Variants in SLC34A1 observed in about 807,000 individuals in gnomAD.
SLC34A1 encodes the protein sodium-dependent phosphate transport protein 2A.
In SLC34A1, 57 loss-of-function variants were observed where a neutral mutation model predicts 51.4. The observed-to-expected ratio is 1.11, with a 90% CI of 0.90 to 1.38. The LOEUF is 1.38. Ranked by LOEUF, SLC34A1 falls within the 40% of genes most tolerant of loss-of-function variation. SLC34A1 has a pLI of 0.00. For missense variants in SLC34A1, 796 were observed against 835.6 expected (o/e 0.95, Z 0.58); for synonymous variants, 368 against 358.0 (o/e 1.03, Z -0.32).
intron 8 of SLC34A1, 88 bp from the exon 9 acceptor site, chr5:177,393,606 T>G: frequency 7.8e-7 from 1 of 1,285,962 alleles, no homozygotes; most frequent in Non-Finnish European, 1.1e-6. Context: ...CCCATCTCCA[T>G]CTTCCCCATC....
chr5:177,395,465 A>G (rs1400713271), intron 10 of SLC34A1, among the ~76,000 whole-genome samples: 7 of 152,160 alleles, frequency 4.6e-5, no homozygotes, highest in Admixed American at 1.3e-4. Flanking sequence ...GGTGGCCAGT[A>G]GCTGGCAGGA....
At chr5:177,394,775 C>T (rs1762908984) in intron 10 of SLC34A1, among the ~76,000 whole-genome samples, 1 of 149,744 alleles carries the variant, frequency 6.7e-6, no homozygotes, top group Non-Finnish European at 1.5e-5. Context: ...CTCACTGCAA[C>T]CTCCACCTCC....
chr5:177,385,495 G>A (rs1304450052), intron 1 of SLC34A1, among the ~76,000 whole-genome samples, 200 bp from the exon 2 acceptor site: 4 of 151,972 alleles, frequency 2.6e-5, no homozygotes, highest in East Asian at 2.0e-4. Flanking sequence ...TGTGAGTCTC[G>A]GAGGGCTGTG....
Position 177,386,564 on chromosome 5 carries a change from G to A in SLC34A1, c.530G>A (p.Gly177Asp). ...ATCATCGTCAGCATGGTCTCCTCTG[G>A]CTGTGAGTTGGCCCACCAGGGTGGG... The part of the protein sequence containing the change: ...TSIIVSMVSS[G>D]LLEVSSAIPI... Residue 177 changes from glycine to aspartate, a missense_variant and splice_region_variant, in exon 5 of 13, where the codon GGC (glycine) becomes GAC (aspartate). Gly to Asp is a moderately conservative substitution (Grantham distance 94). Transcript: ENST00000324417. The surrounding 1 kb of genome is among the most constrained non-coding windows in gnomAD (Gnocchi z 4.8). 1 of 1,613,974 alleles carries A rather than the reference G, an allele frequency of 6.2e-7. No homozygotes were observed. The highest frequency in any genetic ancestry group is 8.5e-7 in the Non-Finnish European group (1 of 1,180,006).
rs1263582632 is a variant in SLC34A1 at position 177,398,544 on chromosome 5, A to G, written c.*258A>G. On this transcript the variant is annotated 3_prime_UTR_variant, in exon 13 of 13. Coordinates refer to ENST00000324417, the MANE Select transcript of SLC34A1 (RefSeq NM_003052.5). This position sits in a 1 kb window ranked among gnomAD's most constrained non-coding sequence, Gnocchi z 4.7. ...TGCCAGCCCATGCAGGTGTACACAGACACACCTGTGGGAGGCTGTGTGCAG... is the reference window on the plus strand; with the variant it reads ...TGCCAGCCCATGCAGGTGTACACAGGCACACCTGTGGGAGGCTGTGTGCAG... 1 of 583,758 alleles carries G rather than the reference A, an allele frequency of 1.7e-6. No homozygotes were observed. The highest frequency in any genetic ancestry group is 2.9e-5 in the East Asian group (1 of 33,946). The allele number at this position is 583,758 out of a possible 1,614,324, so 36.2% of individuals were successfully genotyped here. A position where few individuals can be genotyped will look rare whatever the true frequency, so the allele number is the denominator to read the frequency against.
chr5:177,385,673 G>C (rs533877403), intron 1 of SLC34A1, 22 bp from the exon 2 acceptor site: 1 of 1,153,060 alleles, frequency 8.7e-7, no homozygotes, highest in East Asian at 2.4e-5. Context: ...TGAGTGTCCC[G>C]GACACAGCTA....
chr5:177,387,944 T>C, intron 6 of SLC34A1, 50 bp from the exon 7 acceptor site: 1 of 1,610,934 alleles, frequency 6.2e-7, no homozygotes, highest in South Asian at 1.1e-5. Context: ...ACCCCAGGCG[T>C]GACTGTGCAC....
At chr5:177,390,751 AG>A (rs991631492) in intron 8 of SLC34A1, among the ~76,000 whole-genome samples, 1 of 151,890 alleles carries the variant, frequency 6.6e-6, no homozygotes, top group African/African-American at 2.4e-5. Context: ...CCTTCCTCTG[AG>A]GGGGAAACTG....
At position 177,394,192 on chromosome 5, in the gene SLC34A1, A is replaced by G. The variant is rs1762890106; in HGVS notation, c.1171A>G (p.Thr391Ala). ...CAAGGTCATCCAGAAGGTCATCAATACGGGTGAGCTGCGAGCAGTTGACTG... is the reference window on the plus strand; with the variant it reads ...CAAGGTCATCCAGAAGGTCATCAATGCGGGTGAGCTGCGAGCAGTTGACTG... ...VAKVIQKVIN[T>A]DFPAPFTWVT... is the part of the protein sequence containing the mutation. The change falls in exon 10 of 13, where the codon ACG becomes GCG. Residue 391 changes from threonine (T) to alanine (A), a missense_variant. Physicochemically the swap from Thr to Ala is moderately conservative, Grantham distance 58 (BLOSUM62 0). Transcript: ENST00000324417. 1.2e-6 allele frequency: 2 copies of G among 1,613,906 alleles called. No individual in the cohort carries two copies. The highest frequency in any genetic ancestry group is 1.7e-6 in the Non-Finnish European group (2 of 1,180,016).
At position 177,398,198 on chromosome 5, in the gene SLC34A1, C is replaced by G; in HGVS notation, c.1832C>G (p.Pro611Arg). ...CCTGAGCCCCGCTCACCCCCGCTGC[C>G]CCCCAGGGTCTTCCTGGAGGAGCTA... ...ARPEPRSPPL[P>R]PRVFLEELPP... The change falls in exon 13 of 13, where the codon CCC (proline) becomes CGC (arginine). Residue 611 changes from proline to arginine, a missense_variant. Physicochemically the swap from Pro to Arg is moderately radical, Grantham distance 103. Transcript: ENST00000324417. This position sits in a 1 kb window ranked among gnomAD's most constrained non-coding sequence, Gnocchi z 4.7. 2 of 1,608,838 alleles carry G rather than the reference C, an allele frequency of 1.2e-6. No homozygotes were observed. The highest frequency in any genetic ancestry group is 8.5e-7 in the Non-Finnish European group (1 of 1,179,840).
intron 8 of SLC34A1, chr5:177,390,058 A>G: frequency 5.1e-6 from 6 of 1,187,262 alleles, no homozygotes; most frequent in Non-Finnish European, 6.3e-6. Context: ...GGTCTTGCAA[A>G]GTGTGAAGTG....
rs59750868 is a variant in SLC34A1, at chr5:177,386,359, G to A, written c.388+10G>A. The A allele has an allele frequency of 1.1e-5, 17 of 1,614,120 alleles. 1 individual carries two copies. Among genetic ancestry groups the A allele is most frequent in the African/African-American group, 9.3e-5 (7 of 74,946 alleles). ...TTCCAGCTGGCTGGAGGTAGGGCCC[G>A]GGTGGAGGAGACCTGGGAGGGGTTC... On this transcript the variant is annotated intron_variant, in intron 4 of 12. Transcript: ENST00000324417. The surrounding 1 kb of genome is among the most constrained non-coding windows in gnomAD (Gnocchi z 4.8).
rs1581648732 is a variant in SLC34A1 at position 177,396,767 on chromosome 5, C to T, written c.1209C>T (p.Tyr403=). ...CCCCCTTCACCTGGGTCACAGGCTA[C>T]TTTGCCATGGTGGTGGGCGCCAGCA... ...FPAPFTWVTG[Y]FAMVVGASMT... The change falls in exon 11 of 13, where the codon TAC becomes TAT. Residue 403 remains tyrosine, a synonymous_variant. Transcript: ENST00000324417. The surrounding 1 kb of genome is among the most constrained non-coding windows in gnomAD (Gnocchi z 4.0). 6 of 1,614,266 alleles carry T rather than the reference C, an allele frequency of 3.7e-6. No homozygotes were observed. The highest frequency in any genetic ancestry group is 2.2e-5 in the East Asian group (1 of 44,892).
intron 1 of SLC34A1, among the ~76,000 whole-genome samples, chr5:177,385,373 T>C (rs1762524253): frequency 6.6e-6 from 1 of 152,150 alleles, no homozygotes; most frequent in Admixed American, 6.5e-5. Flanking sequence ...AGCTCAATAA[T>C]ACTCATTGAA....
At chr5:177,390,072 C>G (rs1264638051) in intron 8 of SLC34A1, 4 of 1,140,824 alleles carry the variant, frequency 3.5e-6, no homozygotes, top group African/African-American at 1.6e-5. Context: ...TGAAGTGCGT[C>G]CTGGCTCTTC....
rs1762882514 is a variant in SLC34A1, at chr5:177,393,969, A to T, written c.1007-59A>T. The stretch of plus-strand genomic sequence containing the variant: ...AGGATCAGAGCCCAACTGGGTGGCA[A>T]AGGTGGGGACCTGGGAGCCAGGTGT... On this transcript the variant is annotated intron_variant, in intron 9 of 12. Transcript: ENST00000324417. 5.6e-6 allele frequency: 9 copies of T among 1,608,566 alleles called. No individual in the cohort carries two copies. In the South Asian group the frequency reaches 9.9e-5, roughly 18 times the overall value.
At position 177,394,136 on chromosome 5, in the gene SLC34A1, T is replaced by C. The variant is rs755038367; in HGVS notation, c.1115T>C (p.Met372Thr). 5 of 1,614,090 alleles carry C rather than the reference T, an allele frequency of 3.1e-6. No individual in the cohort carries two copies. Among genetic ancestry groups the C allele is most frequent in the Non-Finnish European group, 4.2e-6 (5 of 1,180,022 alleles). ...LCTCLILLVK[M>T]LNSLLKGQVA... is the part of the protein sequence containing the mutation. ...ACCTGCCTCATCCTCCTAGTCAAGA[T>C]GCTCAACTCCCTGCTCAAGGGCCAA... The change falls in exon 10 of 13, where the codon ATG becomes ACG. Residue 372 changes from methionine to threonine, a missense_variant. Transcript: ENST00000324417.
In SLC34A1 at chr5:177,388,421, T is replaced by C. The variant is rs372381058; in HGVS notation, c.936+49T>C. 9.9e-5 allele frequency: 144 copies of C among 1,453,286 alleles called. No homozygotes were observed. The highest frequency in any genetic ancestry group is 1.3e-4 in the Non-Finnish European group (139 of 1,034,800). The allele number at this position is 1,453,286 out of a possible 1,614,324, so 90.0% of individuals were successfully genotyped here. A position where few individuals can be genotyped will look rare whatever the true frequency, so the allele number is the denominator to read the frequency against. On this transcript the variant is annotated intron_variant, in intron 8 of 12. Coordinates refer to ENST00000324417, the MANE Select transcript of SLC34A1 (RefSeq NM_003052.5). The surrounding 1 kb of genome is among the most constrained non-coding windows in gnomAD (Gnocchi z 4.3). ...GTAAGAGGACTCCCTCTTCAGACTC[T>C]TGGTTTCATTGTCTGTTCAAAATGC... is the stretch of plus-strand genomic sequence containing the variant.
At chr5:177,393,788 G>A (rs1478457430) in intron 9 of SLC34A1, 25 bp downstream of exon 9, 3 of 1,612,044 alleles carry the variant, frequency 1.9e-6, no homozygotes, top group East Asian at 2.2e-5. Context: ...CATGGGAGGT[G>A]TCCTGCATGG....
Sources: gnomAD v4.1 joint callset for allele counts (sites outside exome capture counted in the v4.1 genomes callset) on GRCh38, gnomAD v4.1.1 for gene constraint, Gnocchi (gnomAD v3.1) non-coding constraint, MANE v1.5 for transcripts, NCBI Gene and HGNC (gene_info 2026-07-23, HGNC 2026-07-21) for gene names.